Variants in SNX9 observed in about 807,000 individuals in gnomAD.
The protein encoded by SNX9 is sorting nexin-9.
A neutral mutation model predicts 89.4 loss-of-function variants in SNX9; 44 were observed. The ratio of observed to expected loss-of-function variants is 0.49; its 90% CI spans 0.39 to 0.63. The LOEUF (loss-of-function observed/expected upper bound fraction) is 0.63. SNX9 is among the 30% of genes least tolerant of loss of function. The probability of loss-of-function intolerance (pLI) is 0.00; values close to 1 mark genes in which losing one functional copy is unlikely to be tolerated. For missense variants in SNX9, 578 were observed against 736.1 expected, an observed-to-expected ratio of 0.79 and a Z score of 2.49; for synonymous variants, 236 against 247.8, an observed-to-expected ratio of 0.95 and a Z score of 0.45.
At chr6:157,917,298 T>C (rs995732627) in intron 9 of SNX9, among the ~76,000 whole-genome samples, 2 of 152,148 alleles carry the variant, frequency 1.3e-5, no homozygotes, top group Non-Finnish European at 2.9e-5. Flanking sequence ...TTTTCTATTA[T>C]ATTGTTTCTG....
At chr6:157,867,152 T>A (rs1189334541) in intron 1 of SNX9, among the ~76,000 whole-genome samples, 1 of 152,124 alleles carries the variant, frequency 6.6e-6, no homozygotes, top group African/African-American at 2.4e-5. Context: ...GGAATCTCGC[T>A]TTGTTGCTCA....
intron 1 of SNX9, among the ~76,000 whole-genome samples, chr6:157,854,269 G>T (rs544319206): frequency 1.3e-5 from 2 of 152,198 alleles, no homozygotes; most frequent in African/African-American, 4.8e-5. Flanking sequence ...TTAATTTGGG[G>T]GCTGGTGGTG....
intron 1 of SNX9, among the ~76,000 whole-genome samples, chr6:157,862,420 T>C (rs773570633): frequency 2.6e-5 from 4 of 152,178 alleles, no homozygotes; most frequent in Admixed American, 6.5e-5. Flanking sequence ...CATAGAAATA[T>C]TACCTACTCT....
chr6:157,865,947 A>AG (rs1183193625), intron 1 of SNX9, among the ~76,000 whole-genome samples: 6 of 152,214 alleles, frequency 3.9e-5, no homozygotes, highest in Non-Finnish European at 8.8e-5. Context: ...TTTGCCTTTG[A>AG]GGACAAACAA....
chr6:157,918,201 G>A (rs187502317), intron 9 of SNX9, among the ~76,000 whole-genome samples: 153 of 152,070 alleles, frequency 1.0e-3, no homozygotes, highest in Middle Eastern at 3.4e-3. Context: ...ATTGAGTATC[G>A]GGTATTGAAA....
chr6:157,866,956 GT>G (rs968891381), intron 1 of SNX9, among the ~76,000 whole-genome samples: 1 of 151,754 alleles, frequency 6.6e-6, no homozygotes, highest in Admixed American at 6.6e-5. Flanking sequence ...TTGTTTGTTT[GT>G]TTTTTTAAGA....
intron 1 of SNX9, among the ~76,000 whole-genome samples, chr6:157,831,143 G>A (rs1448000929): frequency 1.3e-5 from 2 of 152,140 alleles, no homozygotes; most frequent in African/African-American, 4.8e-5. Flanking sequence ...CCTAATCTCA[G>A]AAGTCTGATT....
chr6:157,888,763 C>CAGG (rs1387686254), intron 4 of SNX9, among the ~76,000 whole-genome samples: 10 of 152,214 alleles, frequency 6.6e-5, no homozygotes, highest in Admixed American at 6.5e-4. Context: ...AAGTATCTTA[C>CAGG]AGGAGCTCTT....
At position 157,823,347 on chromosome 6, in the gene SNX9, C is replaced by CGCCCTT; in HGVS notation, c.-84_-79dup. ...GGGGCCCAGCCGGAGCCGCCGCCCT[C>CGCCCTT]GCCCTTGCCTTTGCCTGCGCGGCTC... On this transcript the variant is annotated 5_prime_UTR_variant, in exon 1 of 18. Transcript: ENST00000392185. The surrounding 1 kb of genome is among the most constrained non-coding windows in gnomAD (Gnocchi z 4.6). 1.7e-6 allele frequency: 2 copies of CGCCCTT among 1,188,842 alleles called. No homozygotes were observed. Among genetic ancestry groups the CGCCCTT allele is most frequent in the South Asian group, 2.2e-5 (1 of 44,542 alleles). The allele number at this position is 1,188,842 out of a possible 1,614,324, so 73.6% of individuals were successfully genotyped here.
At position 157,928,590 on chromosome 6, in the gene SNX9, C is replaced by T. The variant is rs1783742502; in HGVS notation, c.1185-9C>T. The T allele has an allele frequency of 6.3e-7, 1 of 1,598,944 alleles. No individual in the cohort carries two copies. The highest frequency in any genetic ancestry group is 1.3e-5 in the African/African-American group (1 of 74,572). On this transcript the variant is annotated splice_polypyrimidine_tract_variant and intron_variant, in intron 11 of 17. Transcript: ENST00000392185. Reference sequence around the variant, plus strand: ...TGCTTATGTGACTGACGGCCGCCTTCACCCACAGAGAGCAGAAGTGCGAGG... The same window carrying T: ...TGCTTATGTGACTGACGGCCGCCTTTACCCACAGAGAGCAGAAGTGCGAGG...
intron 1 of SNX9, among the ~76,000 whole-genome samples, chr6:157,824,891 C>T (rs73020657): frequency 2.0e-5 from 3 of 152,108 alleles, no homozygotes; most frequent in African/African-American, 7.2e-5. Context: ...GGTTTGTTGC[C>T]AGACATTCCA....
chr6:157,927,043 G>A, intron 10 of SNX9, 68 bp from the exon 11 acceptor site: 1 of 1,232,264 alleles, frequency 8.1e-7, no homozygotes, highest in Non-Finnish European at 1.2e-6. Flanking sequence ...AGCTGGTCCT[G>A]TTTGGGAATT....
intron 1 of SNX9, among the ~76,000 whole-genome samples, chr6:157,857,749 A>T (rs1393520376): frequency 2.0e-5 from 3 of 151,928 alleles, no homozygotes; most frequent in Non-Finnish European, 4.4e-5. Flanking sequence ...CAGAAAAAAA[A>T]AATCCTATTT....
At chr6:157,825,963 T>G (rs572434497) in intron 1 of SNX9, among the ~76,000 whole-genome samples, 2 of 152,068 alleles carry the variant, frequency 1.3e-5, no homozygotes, top group South Asian at 2.1e-4. Context: ...CTATAAGTAT[T>G]AACTGATGAA....
At chr6:157,868,177 CA>C (rs1782307081) in intron 2 of SNX9, among the ~76,000 whole-genome samples, 1 of 152,210 alleles carries the variant, frequency 6.6e-6, no homozygotes, top group Non-Finnish European at 1.5e-5. Flanking sequence ...GCTCAGCTCC[CA>C]GTGGAGTTCT....
chr6:157,873,332 G>A (rs2115140533), intron 3 of SNX9, among the ~76,000 whole-genome samples, 156 bp downstream of exon 3: 1 of 150,832 alleles, frequency 6.6e-6, no homozygotes, highest in South Asian at 2.1e-4. Context: ...AAACTACATT[G>A]AAATAGAACT....
chr6:157,914,759 T>C (rs1172599702), intron 9 of SNX9, among the ~76,000 whole-genome samples: 1 of 152,184 alleles, frequency 6.6e-6, no homozygotes. Context: ...ATTAGAGGCA[T>C]GAGCTACCAC....
At chr6:157,932,502 T>C (rs1783831983) in intron 13 of SNX9, among the ~76,000 whole-genome samples, 1 of 152,204 alleles carries the variant, frequency 6.6e-6, no homozygotes, top group South Asian at 2.1e-4. Context: ...TTGCCTTTTT[T>C]TGCTCTCTGG....
At chr6:157,927,914 A>G (rs1206192845) in intron 11 of SNX9, among the ~76,000 whole-genome samples, 1 of 147,530 alleles carries the variant, frequency 6.8e-6, no homozygotes, top group Non-Finnish European at 1.5e-5. Flanking sequence ...ATGTGTTACC[A>G]AAAGTATAGA....
Sources: allele counts gnomAD v4.1 joint callset (sites outside exome capture counted in the v4.1 genomes callset), GRCh38; gene constraint gnomAD v4.1.1; non-coding constraint Gnocchi (gnomAD v3.1); transcripts MANE v1.5; gene names NCBI Gene and HGNC (gene_info 2026-07-23, HGNC 2026-07-21).